Variants in SH2D4B observed in about 807,000 individuals in gnomAD.
SH2D4B encodes SH2 domain-containing protein 4B.
In SH2D4B, 45 loss-of-function variants were observed where a neutral mutation model predicts 61.5. The observed-to-expected ratio is 0.73, with a 90% CI of 0.58 to 0.94. The LOEUF is 0.94. Ranked by LOEUF, SH2D4B falls within the 40% of genes least tolerant of loss-of-function variation. The pLI, the probability that SH2D4B is intolerant of heterozygous loss-of-function variation, is 0.00. For synonymous variants in SH2D4B, 224 were observed against 220.4 expected (o/e 1.02, Z -0.14); for missense variants, 572 against 574.2 (o/e 1.00, Z 0.04).
intron 7 of SH2D4B, among the ~76,000 whole-genome samples, chr10:80,639,205 A>G (rs1840244438): frequency 6.6e-6 from 1 of 152,192 alleles, no homozygotes. Context: ...TTTACTTCCA[A>G]CTGTGTGGTC....
intron 1 of SH2D4B, among the ~76,000 whole-genome samples, chr10:80,555,070 T>C (rs1185812861): frequency 6.7e-6 from 1 of 148,708 alleles, no homozygotes. Flanking sequence ...AACTAGGCAC[T>C]ATAACCTACT....
At chr10:80,570,340 G>A in intron 2 of SH2D4B, 24 bp downstream of exon 2, 1 of 1,610,732 alleles carries the variant, frequency 6.2e-7, no homozygotes, top group Non-Finnish European at 8.5e-7. Flanking sequence ...TGGGGTGTTG[G>A]GTGGGGCCTA....
chr10:80,597,851 A>T (rs986396987), intron 4 of SH2D4B, among the ~76,000 whole-genome samples: 1 of 152,148 alleles, frequency 6.6e-6, no homozygotes, highest in African/African-American at 2.4e-5. Context: ...AAGCAAGATC[A>T]TTGTGTGCAT....
rs1435162573 is a variant in SH2D4B, at chr10:80,603,751, C to T, written c.816C>T (p.His272=). The change falls in exon 5 of 8, where the codon CAC becomes CAT. Residue 272 remains histidine, a synonymous_variant. Transcript: ENST00000646907. ...AGCAGGAGGCAAGACTCTACCACCA[C>T]CTCCCCGACCCGGGTCTGCCGCAGC... ...SHEQEARLYH[H]LPDPGLPQPL... The T allele has an allele frequency of 1.9e-6, 3 of 1,612,856 alleles. No homozygotes were observed. Among genetic ancestry groups the T allele is most frequent in the Non-Finnish European group, 2.5e-6 (3 of 1,179,924 alleles).
chr10:80,639,705 G>A (rs1474268599), intron 7 of SH2D4B, among the ~76,000 whole-genome samples: 6 of 152,158 alleles, frequency 3.9e-5, no homozygotes, highest in African/African-American at 1.2e-4. Context: ...CCTGAATACA[G>A]CACACTGATG....
chr10:80,623,200 C>T (rs991408625), intron 6 of SH2D4B, among the ~76,000 whole-genome samples: 7 of 152,246 alleles, frequency 4.6e-5, no homozygotes, highest in African/African-American at 1.7e-4. Flanking sequence ...CAGGCGTGAG[C>T]CGCCGTGCCT....
At chr10:80,640,437 GA>G (rs1840271095) in intron 7 of SH2D4B, among the ~76,000 whole-genome samples, 2 of 152,202 alleles carry the variant, frequency 1.3e-5, no homozygotes, top group African/African-American at 4.8e-5. Flanking sequence ...ATCAGACGTA[GA>G]TTTGGTCTTC....
At chr10:80,580,284 G>A (rs1842173309) in intron 3 of SH2D4B, among the ~76,000 whole-genome samples, 1 of 152,198 alleles carries the variant, frequency 6.6e-6, no homozygotes, top group African/African-American at 2.4e-5. Flanking sequence ...AGGGAAGAAT[G>A]AGACAGGAGT....
At chr10:80,541,621 G>A (rs1033663226) in intron 1 of SH2D4B, among the ~76,000 whole-genome samples, 1 of 152,068 alleles carries the variant, frequency 6.6e-6, no homozygotes, top group Non-Finnish European at 1.5e-5. Flanking sequence ...CTCGCTCCTG[G>A]CAAGCCTGGC....
At position 80,609,553 on chromosome 10, in the gene SH2D4B, T is replaced by A. The variant is rs758321542; in HGVS notation, c.988+2T>A. 8.7e-6 allele frequency: 14 copies of A among 1,613,620 alleles called. No individual in the cohort carries two copies. Among genetic ancestry groups the A allele is most frequent in the Admixed American group, 6.7e-5 (4 of 60,012 alleles). ...AGTTCATCGCCCCCTGGTTCCATGG[T>A]AGCACCATTTTTCTGGGCCCTGTGC... On this transcript the variant is annotated splice_donor_variant, in intron 6 of 7. Coordinates refer to ENST00000646907, the MANE Select transcript of SH2D4B (RefSeq NM_001388272.1). LOFTEE classifies it high-confidence loss of function.
Position 80,539,495 on chromosome 10 carries a change from G to A in SH2D4B, c.184+980G>A, listed in dbSNP as rs1191296510. Among the ~76,000 whole-genome samples the A allele has an allele frequency of 1.3e-5, 2 of 152,218 alleles. No homozygotes were observed. The highest frequency in any genetic ancestry group is 1.5e-5 in the Non-Finnish European group (1 of 68,052). The stretch of plus-strand genomic sequence containing the variant: ...ACACCCACATCATCTGGACATGCTT[G>A]CTCTTGTCTCTGGTCTTCACATGAG... On this transcript the variant is annotated intron_variant, in intron 1 of 7. Transcript: ENST00000646907. This position sits in a 1 kb window ranked among gnomAD's most constrained non-coding sequence, Gnocchi z 4.9.
intron 4 of SH2D4B, among the ~76,000 whole-genome samples, chr10:80,595,129 C>G (rs780406874): frequency 1.3e-5 from 2 of 152,212 alleles, no homozygotes; most frequent in Non-Finnish European, 2.9e-5. Context: ...TTCTGCTTCT[C>G]AGCATTGATG....
chr10:80,630,700 A>G (rs7913985), intron 6 of SH2D4B, among the ~76,000 whole-genome samples: 1,622 of 152,216 alleles, frequency 0.011, 29 homozygotes, highest in African/African-American at 0.037. Flanking sequence ...ACAAAGGTAG[A>G]GTGTAGGCTG....
chr10:80,540,396 G>A (rs903524631), intron 1 of SH2D4B, among the ~76,000 whole-genome samples: 4 of 152,168 alleles, frequency 2.6e-5, no homozygotes, highest in African/African-American at 7.2e-5. Context: ...TCCTGGGGTC[G>A]TGATGAAGGG....
chr10:80,580,692 A>G (rs924985516), intron 3 of SH2D4B, among the ~76,000 whole-genome samples: 6 of 152,102 alleles, frequency 3.9e-5, no homozygotes, highest in African/African-American at 4.8e-5. Context: ...ATTTTAAAAA[A>G]TTTTTCACTT....
intron 7 of SH2D4B, 70 bp from the exon 8 acceptor site, chr10:80,643,923 C>G (rs1281278442): frequency 1.7e-6 from 2 of 1,206,858 alleles, no homozygotes; most frequent in African/African-American, 3.0e-5. Context: ...TTGAACCACT[C>G]TCTCTCTCTC....
chr10:80,543,337 C>T (rs1180967823), intron 1 of SH2D4B, among the ~76,000 whole-genome samples: 3 of 152,094 alleles, frequency 2.0e-5, no homozygotes, highest in Non-Finnish European at 4.4e-5. Flanking sequence ...ACCCCGCACT[C>T]GGAGCGGCCG....
chr10:80,575,717 G>A (rs1445970458), intron 3 of SH2D4B, among the ~76,000 whole-genome samples: 1 of 152,212 alleles, frequency 6.6e-6, no homozygotes, highest in East Asian at 1.9e-4. Flanking sequence ...AGAGGTTGCA[G>A]CGAGTGGAGA....
chr10:80,628,528 C>T lies in SH2D4B; in HGVS notation c.989-5757C>T, dbSNP rs114862059. Among the ~76,000 whole-genome samples the T allele has an allele frequency of 4.7e-3, 714 of 152,248 alleles. 10 individuals carry two copies. The highest frequency in any genetic ancestry group is 0.016 in the African/African-American group (679 of 41,544). ...TATGTCTTTATCAGGAGCATGAAAA[C>T]GGACTTATACAGAGGGCAAAGTGAA... On this transcript the variant is annotated intron_variant, in intron 6 of 7. Transcript: ENST00000646907.
Sources: allele counts gnomAD v4.1 joint callset (sites outside exome capture counted in the v4.1 genomes callset), GRCh38; gene constraint gnomAD v4.1.1; non-coding constraint Gnocchi (gnomAD v3.1); transcripts MANE v1.5; gene names NCBI Gene and HGNC (gene_info 2026-07-23, HGNC 2026-07-21).